WWOX: variants seen among roughly 807,000 people sequenced by gnomAD.
The protein encoded by WWOX is WW domain-containing oxidoreductase.
In WWOX, 69 loss-of-function variants were observed where a neutral mutation model predicts 46.2. The ratio of observed to expected loss-of-function variants is 1.49; its 90% CI spans 1.23 to 1.82. The LOEUF is 1.82. Ranked by LOEUF, WWOX falls within the 40% of genes most tolerant of loss-of-function variation. WWOX has a pLI of 0.00. For missense variants in WWOX, 919 were observed against 542.6 expected (o/e 1.69, Z -6.89); for synonymous variants, 359 against 202.6 (o/e 1.77, Z -6.56).
At chr16:79,053,532 T>G (rs549062372) in intron 8 of WWOX, among the ~76,000 whole-genome samples, 1 of 152,346 alleles carries the variant, frequency 6.6e-6, no homozygotes, top group East Asian at 1.9e-4. Context: ...ACTTTTTGCT[T>G]AATCCTCTGA....
chr16:78,937,387 A>G (rs1336546963), intron 8 of WWOX, among the ~76,000 whole-genome samples: 6 of 145,686 alleles, frequency 4.1e-5, no homozygotes, highest in African/African-American at 1.0e-4. Flanking sequence ...TGTGTTTTCT[A>G]TGGTTATGTA....
rs150648459 is a variant in WWOX at position 78,988,171 on chromosome 16, C to T, written c.1057-223437C>T. Among the ~76,000 whole-genome samples the T allele has an allele frequency of 2.1e-4, 32 of 151,596 alleles. 1 individual carries two copies. In the East Asian group the frequency reaches 2.2e-3, roughly 10 times the overall value. On this transcript the variant is annotated intron_variant, in intron 8 of 8. Coordinates refer to ENST00000566780, the MANE Select transcript of WWOX (RefSeq NM_016373.4). ...CAGTCTGGCCAACATGGTGAAACCC[C>T]GTCTCTACTAAAAATACAAAAACTT...
In WWOX at chr16:79,006,162, C is replaced by T. The variant is rs370312174; in HGVS notation, c.1057-205446C>T. On this transcript the variant is annotated intron_variant, in intron 8 of 8. Coordinates refer to ENST00000566780, the MANE Select transcript of WWOX (RefSeq NM_016373.4). ...GACAATGAGCGCTGAGATTGAACTA[C>T]AGAAAGCAGAAGATGGGGTGACAAG... Among the ~76,000 whole-genome samples the T allele has an allele frequency of 1.2e-4, 19 of 152,194 alleles. No individual in the cohort carries two copies. In the South Asian group the frequency reaches 1.4e-3, roughly 12 times the overall value.
intron 8 of WWOX, among the ~76,000 whole-genome samples, chr16:78,536,862 T>A (rs1416607762): frequency 6.6e-6 from 1 of 152,048 alleles, no homozygotes; most frequent in Non-Finnish European, 1.5e-5. Flanking sequence ...TGAAAGTCGT[T>A]TATTGAGTAC....
At chr16:78,387,296 G>A (rs562065302) in intron 6 of WWOX, among the ~76,000 whole-genome samples, 8 of 152,278 alleles carry the variant, frequency 5.3e-5, no homozygotes, top group African/African-American at 1.9e-4. Context: ...TATTTAAATT[G>A]CATTCAGGAA....
intron 8 of WWOX, among the ~76,000 whole-genome samples, chr16:78,965,550 A>G (rs1391612313): frequency 6.6e-6 from 1 of 150,632 alleles, no homozygotes; most frequent in Non-Finnish European, 1.5e-5. Context: ...AGCCTGGGTA[A>G]CGAGCAAAAC....
At chr16:78,604,492 C>A (rs1192761695) in intron 8 of WWOX, among the ~76,000 whole-genome samples, 1 of 152,012 alleles carries the variant, frequency 6.6e-6, no homozygotes, top group Non-Finnish European at 1.5e-5. Flanking sequence ...CCGTCTGTGA[C>A]AAAACTTTCA....
chr16:78,977,234 C>G (rs911205174), intron 8 of WWOX, among the ~76,000 whole-genome samples: 2 of 152,224 alleles, frequency 1.3e-5, no homozygotes, highest in Non-Finnish European at 1.5e-5. Flanking sequence ...GCCCTGAGAG[C>G]TCTTCAAAGG....
intron 8 of WWOX, among the ~76,000 whole-genome samples, chr16:79,129,828 G>A (rs1157205255): frequency 6.6e-6 from 1 of 152,134 alleles, no homozygotes; most frequent in Non-Finnish European, 1.5e-5. Context: ...GTCGAAGGAG[G>A]GTGACAGCCT....
intron 8 of WWOX, among the ~76,000 whole-genome samples, chr16:78,662,591 G>C (rs959430481): frequency 3.3e-5 from 5 of 152,162 alleles, no homozygotes; most frequent in African/African-American, 1.2e-4. Context: ...GCACCAGGCA[G>C]TCGTGGGCTT....
intron 5 of WWOX, among the ~76,000 whole-genome samples, chr16:78,347,874 G>A (rs1320261844): frequency 8.2e-6 from 1 of 121,262 alleles, no homozygotes; most frequent in African/African-American, 2.8e-5. Flanking sequence ...TTCCTTAAAT[G>A]TTGTACATAT....
At chr16:79,094,802 A>T (rs925679380) in intron 8 of WWOX, among the ~76,000 whole-genome samples, 1 of 152,172 alleles carries the variant, frequency 6.6e-6, no homozygotes, top group Non-Finnish European at 1.5e-5. Flanking sequence ...ACGAGAAGAG[A>T]ATGACAGTGT....
chr16:78,886,316 G>C (rs1415957044), intron 8 of WWOX, among the ~76,000 whole-genome samples: 1 of 147,530 alleles, frequency 6.8e-6, no homozygotes, highest in Non-Finnish European at 1.5e-5. Context: ...TTTGCCTCAT[G>C]AATCTCTGAG....
intron 5 of WWOX, among the ~76,000 whole-genome samples, chr16:78,374,555 T>A (rs1362598588): frequency 4.5e-5 from 2 of 44,512 alleles, no homozygotes. Flanking sequence ...TTTTTTTTTT[T>A]TTTTTTTTTT....
chr16:78,662,073 A>ACTG (rs2047226582), intron 8 of WWOX, among the ~76,000 whole-genome samples: 1 of 149,754 alleles, frequency 6.7e-6, no homozygotes, highest in African/African-American at 2.4e-5. Context: ...TAGTAGTAGT[A>ACTG]GTGGTGGTGG....
chr16:78,533,499 C>A (rs916981484), intron 8 of WWOX, among the ~76,000 whole-genome samples: 1 of 152,042 alleles, frequency 6.6e-6, no homozygotes, highest in Non-Finnish European at 1.5e-5. Context: ...TTGTCCTGGG[C>A]CGCATGTGGC....
chr16:78,229,500 C>CTATATATATATATA (rs1202195249), intron 5 of WWOX, among the ~76,000 whole-genome samples: 4 of 110,524 alleles, frequency 3.6e-5, no homozygotes, highest in African/African-American at 1.3e-4. Flanking sequence ...ATATATTTAT[C>CTATATATATATATA]TATATCTATA....
chr16:78,513,419 G>T (rs542370073), intron 8 of WWOX, among the ~76,000 whole-genome samples: 2 of 152,254 alleles, frequency 1.3e-5, no homozygotes, highest in African/African-American at 2.4e-5. Context: ...AATCAGTGAG[G>T]CTAGGAATCA....
chr16:78,422,766 T>C (rs548786018), intron 6 of WWOX, among the ~76,000 whole-genome samples: 4 of 123,138 alleles, frequency 3.2e-5, no homozygotes, highest in African/African-American at 1.7e-4. Flanking sequence ...TACACATATA[T>C]ATACACACAT....
Sources: allele counts gnomAD v4.1 joint callset (sites outside exome capture counted in the v4.1 genomes callset), GRCh38; gene constraint gnomAD v4.1.1; transcripts MANE v1.5; gene names NCBI Gene and HGNC (gene_info 2026-07-23, HGNC 2026-07-21).